The following TMEM229B variants were observed in gnomAD, a reference collection of about 807,000 sequenced individuals.
The protein encoded by TMEM229B is transmembrane protein 229B, also known as chromosome 14 open reading frame 83.
A neutral mutation model predicts 13.7 loss-of-function variants in TMEM229B; 6 were observed. The ratio of observed to expected loss-of-function variants is 0.44; its 90% CI spans 0.24 to 0.86. TMEM229B has a LOEUF of 0.86. Ranked by LOEUF, TMEM229B falls within the 40% of genes least tolerant of loss-of-function variation. The pLI is 0.23. For missense variants in TMEM229B, 170 were observed against 236.0 expected (o/e 0.72, Z 1.83); for synonymous variants, 107 against 102.1 (o/e 1.05, Z -0.29).
intron 1 of TMEM229B, among the ~76,000 whole-genome samples, chr14:67,499,177 AT>A (rs1221654369): frequency 1.3e-5 from 2 of 150,928 alleles, no homozygotes; most frequent in Non-Finnish European, 1.5e-5. Flanking sequence ...TAATTTCTTA[AT>A]TTTTTTGTAG....
At chr14:67,533,561 C>T (rs1260598889) in intron 1 of TMEM229B, 1 of 151,884 alleles carries the variant, frequency 6.6e-6, no homozygotes, top group East Asian at 2.0e-4. Flanking sequence ...CGCTGGAGCG[C>T]GGGTCTGGCT....
intron 2 of TMEM229B, among the ~76,000 whole-genome samples, chr14:67,485,256 C>T (rs2031806660): frequency 6.6e-6 from 1 of 152,220 alleles, no homozygotes; most frequent in Admixed American, 6.5e-5. Context: ...CACCCATGGC[C>T]ATCTCTTTAC....
chr14:67,518,987 G>A (rs990658912), upstream of TMEM229B, among the ~76,000 whole-genome samples: 4 of 152,212 alleles, frequency 2.6e-5, no homozygotes, highest in South Asian at 8.3e-4. Context: ...CATTGAAGTT[G>A]AAGCCAATCT....
upstream of TMEM229B, among the ~76,000 whole-genome samples, chr14:67,490,693 C>G (rs1359726745): frequency 6.6e-6 from 1 of 152,128 alleles, no homozygotes; most frequent in Non-Finnish European, 1.5e-5. Flanking sequence ...AGATCTCTCT[C>G]CCCGGCCCCT....
chr14:67,483,684 A>G (rs2031717881), intron 2 of TMEM229B, among the ~76,000 whole-genome samples: 2 of 152,210 alleles, frequency 1.3e-5, no homozygotes, highest in Non-Finnish European at 2.9e-5. Flanking sequence ...TGCGCCATTC[A>G]AAGGCCCCTC....
chr14:67,485,877 C>A (rs2031846603), intron 2 of TMEM229B, among the ~76,000 whole-genome samples: 1 of 152,240 alleles, frequency 6.6e-6, no homozygotes, highest in African/African-American at 2.4e-5. Context: ...GGACATGCTC[C>A]TCCAGATCCC....
chr14:67,479,713 G>T (rs948097335), intron 2 of TMEM229B, among the ~76,000 whole-genome samples: 6 of 151,890 alleles, frequency 4.0e-5, no homozygotes, highest in Non-Finnish European at 8.8e-5. Context: ...GTGAGACTCC[G>T]TCTCAAAAAA....
chr14:67,520,187 C>T (rs1198913580), upstream of TMEM229B, among the ~76,000 whole-genome samples: 1 of 152,198 alleles, frequency 6.6e-6, no homozygotes, highest in Admixed American at 6.5e-5. Context: ...TTTGACATAT[C>T]ATTATCACCC....
chr14:67,505,283 T>G (rs2032777163), intron 1 of TMEM229B, among the ~76,000 whole-genome samples: 1 of 152,180 alleles, frequency 6.6e-6, no homozygotes, highest in Admixed American at 6.5e-5. Flanking sequence ...TATCTCACCC[T>G]GTCCCCATAG....
intron 1 of TMEM229B, among the ~76,000 whole-genome samples, chr14:67,505,595 C>G (rs1172528666): frequency 6.6e-6 from 1 of 152,116 alleles, no homozygotes; most frequent in Non-Finnish European, 1.5e-5. Context: ...CAGGTCTTCT[C>G]TGAGATGGTC....
intron 2 of TMEM229B, among the ~76,000 whole-genome samples, chr14:67,484,737 A>C (rs1274734653): frequency 6.6e-6 from 1 of 152,202 alleles, no homozygotes; most frequent in Non-Finnish European, 1.5e-5. Flanking sequence ...CAGCCTGGGC[A>C]ACATAGTGAG....
At chr14:67,490,274 T>A (rs2032113740), upstream of TMEM229B, among the ~76,000 whole-genome samples, 1 of 152,074 alleles carries the variant, frequency 6.6e-6, no homozygotes, top group Non-Finnish European at 1.5e-5. Flanking sequence ...GTGTGCTCAC[T>A]CTCCTTTCTC....
At chr14:67,508,768 A>AAAAAAAAAAAAAAAAAAAC (rs2032926543) in intron 1 of TMEM229B, among the ~76,000 whole-genome samples, 1 of 150,950 alleles carries the variant, frequency 6.6e-6, no homozygotes, top group Non-Finnish European at 1.5e-5. Flanking sequence ...AAAAAAAAAA[A>AAAAAAAAAAAAAAAAAAAC]AAACAGAAGA....
chr14:67,491,182 C>A (rs1404017892), upstream of TMEM229B, among the ~76,000 whole-genome samples: 2 of 152,150 alleles, frequency 1.3e-5, no homozygotes, highest in Non-Finnish European at 2.9e-5. Context: ...AAACACTTAC[C>A]TTTACTGATT....
chr14:67,502,456 C>CTTTT (rs71129827), intron 1 of TMEM229B, among the ~76,000 whole-genome samples: 26 of 137,668 alleles, frequency 1.9e-4, no homozygotes, highest in South Asian at 4.7e-4. Flanking sequence ...AAGGTGATTT[C>CTTTT]TTTTTTTTTT....
chr14:67,517,373 A>C (rs2033222775), upstream of TMEM229B, among the ~76,000 whole-genome samples: 1 of 152,268 alleles, frequency 6.6e-6, no homozygotes, highest in African/African-American at 2.4e-5. Flanking sequence ...CACCTTATGC[A>C]TGAGGCACGG....
upstream of TMEM229B, among the ~76,000 whole-genome samples, chr14:67,516,399 G>C (rs972561864): frequency 5.5e-5 from 3 of 54,618 alleles, no homozygotes; most frequent in Admixed American, 4.5e-4. Context: ...TAGCTGGAGA[G>C]GGGGGGAAAT....
rs1261753259 is a variant in TMEM229B at position 67,473,930 on chromosome 14, G to A, written c.-7C>T. 14 of 1,593,736 alleles carry A rather than the reference G, an allele frequency of 8.8e-6. No homozygotes were observed. The highest frequency in any genetic ancestry group is 1.9e-4 in the Middle Eastern group (1 of 5,380). ...GGGGCTCGGCAGACGCCATGGCGCC[G>A]ACTGGGGCTGGCTGCGGGGGGCGCA... On this transcript the variant is annotated 5_prime_UTR_variant, in exon 3 of 3. Transcript: ENST00000554480. The surrounding 1 kb of genome is among the most constrained non-coding windows in gnomAD (Gnocchi z 6.5).
chr14:67,501,413 G>A (rs1393276830), intron 1 of TMEM229B, among the ~76,000 whole-genome samples: 1 of 152,128 alleles, frequency 6.6e-6, no homozygotes, highest in Non-Finnish European at 1.5e-5. Flanking sequence ...TGGCCAGGCT[G>A]GAGTGCAGTG....
Sources: gnomAD v4.1 joint callset for allele counts (sites outside exome capture counted in the v4.1 genomes callset) on GRCh38, gnomAD v4.1.1 for gene constraint, Gnocchi (gnomAD v3.1) non-coding constraint, MANE v1.5 for transcripts, NCBI Gene and HGNC (gene_info 2026-07-23, HGNC 2026-07-21) for gene names.